ANO2: variants seen among roughly 807,000 people sequenced by gnomAD.
ANO2 encodes anoctamin 2, also known as anoctamin-2.
Under a neutral mutation model 124.2 loss-of-function variants are expected in ANO2, and 101 were observed. The observed-to-expected ratio is 0.81, with a 90% confidence interval of 0.69 to 0.96. The LOEUF (loss-of-function observed/expected upper bound fraction) is 0.96, where lower values mean the gene tolerates loss of function less well. ANO2 is among the 40% of genes least tolerant of loss of function. The probability of loss-of-function intolerance (pLI) is 0.00; values close to 1 mark genes in which losing one functional copy is unlikely to be tolerated. For missense variants in ANO2, 1,293 were observed against 1,274.5 expected, an observed-to-expected ratio of 1.01 and a Z score of -0.22; for synonymous variants, 486 against 482.5, an observed-to-expected ratio of 1.01 and a Z score of -0.09.
At position 5,635,719 on chromosome 12, in the gene ANO2, A is replaced by G. The variant is rs916694434; in HGVS notation, c.1621-372T>C. ...GGAGCTTTTGATCTTCTAAAGAGATAACATGAACTCCTTTTAAATAAACCA... is the reference window on the plus strand; with the variant it reads ...GGAGCTTTTGATCTTCTAAAGAGATGACATGAACTCCTTTTAAATAAACCA... On this transcript the variant is annotated intron_variant, in intron 15 of 24. Coordinates refer to ENST00000682330, the MANE Select transcript of ANO2 (RefSeq NM_001364791.2). This position sits in a 1 kb window ranked among gnomAD's most constrained non-coding sequence, Gnocchi z 5.2. 6.6e-6 allele frequency among the ~76,000 whole-genome samples: 1 copy of G among 152,184 alleles called. No individual in the cohort carries two copies. Among genetic ancestry groups the G allele is most frequent in the Non-Finnish European group, 1.5e-5 (1 of 68,034 alleles).
intron 7 of ANO2, among the ~76,000 whole-genome samples, chr12:5,825,780 T>C (rs1361453675): frequency 6.6e-6 from 1 of 152,190 alleles, no homozygotes; most frequent in African/African-American, 2.4e-5. Context: ...TATCATGCCC[T>C]GTGATTAAGG....
At chr12:5,730,780 A>G (rs1476558787) in intron 14 of ANO2, among the ~76,000 whole-genome samples, 2 of 152,232 alleles carry the variant, frequency 1.3e-5, no homozygotes, top group Admixed American at 6.5e-5. Flanking sequence ...GATCCTGACA[A>G]TCAAATTCTA....
chr12:5,602,266 T>C (rs1943977735), intron 19 of ANO2, among the ~76,000 whole-genome samples: 1 of 152,130 alleles, frequency 6.6e-6, no homozygotes, highest in South Asian at 2.1e-4. Context: ...CTTTTTTTTT[T>C]TGAGACAAGA....
At chr12:5,615,616 C>G (rs1944765919) in intron 16 of ANO2, among the ~76,000 whole-genome samples, 1 of 152,158 alleles carries the variant, frequency 6.6e-6, no homozygotes, top group South Asian at 2.1e-4. Context: ...GCAACCACCC[C>G]CTTTTCTGCA....
chr12:5,800,433 C>T (rs1260325352), intron 9 of ANO2, among the ~76,000 whole-genome samples: 1 of 152,184 alleles, frequency 6.6e-6, no homozygotes, highest in Non-Finnish European at 1.5e-5. Flanking sequence ...TTGCAGAAGG[C>T]TCACTCTGGC....
intron 19 of ANO2, among the ~76,000 whole-genome samples, chr12:5,606,785 T>A (rs1158304847): frequency 6.6e-6 from 1 of 152,194 alleles, no homozygotes; most frequent in Non-Finnish European, 1.5e-5. Context: ...CACACATGCA[T>A]GTTTGTGCAC....
chr12:5,779,091 G>A (rs1952311344), intron 10 of ANO2, among the ~76,000 whole-genome samples: 2 of 152,228 alleles, frequency 1.3e-5, no homozygotes, highest in Non-Finnish European at 1.5e-5. Flanking sequence ...AATGACCTCT[G>A]GAGAACCCTT....
chr12:5,936,911 A>C (rs1345602719), intron 1 of ANO2, among the ~76,000 whole-genome samples: 2 of 152,206 alleles, frequency 1.3e-5, no homozygotes, highest in Non-Finnish European at 2.9e-5. Context: ...TTTTTATAGA[A>C]TATTTACTTG....
At chr12:5,857,624 G>A (rs1431225970) in intron 3 of ANO2, among the ~76,000 whole-genome samples, 23 of 152,110 alleles carry the variant, frequency 1.5e-4, no homozygotes. Context: ...GATGATCAGT[G>A]ATGTTAAGCA....
intron 14 of ANO2, among the ~76,000 whole-genome samples, chr12:5,721,311 A>C (rs1289886841): frequency 1.3e-5 from 2 of 152,190 alleles, no homozygotes; most frequent in Non-Finnish European, 1.5e-5. Context: ...CCAAAGAGCA[A>C]GTGTGGAGGA....
At chr12:5,808,960 A>C (rs1279537041) in intron 7 of ANO2, among the ~76,000 whole-genome samples, 2 of 152,208 alleles carry the variant, frequency 1.3e-5, no homozygotes, top group Admixed American at 1.3e-4. Flanking sequence ...GCAGGCTGCC[A>C]GGTGTGCCCA....
intron 23 of ANO2, among the ~76,000 whole-genome samples, chr12:5,575,579 C>T (rs752045748): frequency 1.5e-4 from 23 of 152,072 alleles, no homozygotes; most frequent in African/African-American, 1.9e-4. Flanking sequence ...CAAACTTGTA[C>T]GGCATATTAC....
intron 14 of ANO2, among the ~76,000 whole-genome samples, chr12:5,728,757 C>T (rs1317313869): frequency 5.3e-5 from 8 of 152,120 alleles, no homozygotes; most frequent in Non-Finnish European, 8.8e-5. Flanking sequence ...ATAGGCACAG[C>T]AGTCAAGATA....
chr12:5,605,358 AAAAG>A (rs1438019573), intron 19 of ANO2, among the ~76,000 whole-genome samples: 1 of 152,220 alleles, frequency 6.6e-6, no homozygotes, highest in African/African-American at 2.4e-5. Context: ...CACATTTACA[AAAAG>A]AAAGCAGAAA....
chr12:5,667,397 A>G (rs1201394922), intron 14 of ANO2, among the ~76,000 whole-genome samples: 2 of 151,948 alleles, frequency 1.3e-5, no homozygotes, highest in African/African-American at 2.4e-5. Flanking sequence ...GTCATTCCTA[A>G]TCTGGTACAT....
intron 3 of ANO2, among the ~76,000 whole-genome samples, chr12:5,876,798 G>C (rs1938131007): frequency 6.6e-6 from 1 of 152,136 alleles, no homozygotes; most frequent in Non-Finnish European, 1.5e-5. Flanking sequence ...TAGACACAGG[G>C]AGGGGAACAT....
intron 10 of ANO2, among the ~76,000 whole-genome samples, chr12:5,796,166 T>C (rs1275678392): frequency 2.1e-5 from 3 of 143,310 alleles, no homozygotes; most frequent in African/African-American, 5.2e-5. Context: ...CAATCGCTCA[T>C]TCATACACAC....
In ANO2 at chr12:5,906,489, T is replaced by C. The variant is rs1041793698; in HGVS notation, c.534+14551A>G. Among the ~76,000 whole-genome samples, 51 of 151,908 alleles carry C rather than the reference T, an allele frequency of 3.4e-4. 1 individual carries two copies. Among genetic ancestry groups the C allele is most frequent in the Admixed American group, 3.3e-3 (50 of 15,266 alleles). On this transcript the variant is annotated intron_variant, in intron 3 of 24. Transcript: ENST00000682330. ...TGGTCAACAGCATAGCAAGACCCCA[T>C]CCCTATTTTTCAAAAATAAAATAAA... is the stretch of plus-strand genomic sequence containing the variant.
intron 20 of ANO2, among the ~76,000 whole-genome samples, chr12:5,584,240 G>T (rs990485809): frequency 6.6e-6 from 1 of 151,288 alleles, no homozygotes; most frequent in Non-Finnish European, 1.5e-5. Flanking sequence ...GAGGGCTGGC[G>T]GCTCTGCCTA....
Sources: allele counts gnomAD v4.1 joint callset (sites outside exome capture counted in the v4.1 genomes callset), GRCh38; gene constraint gnomAD v4.1.1; non-coding constraint Gnocchi (gnomAD v3.1); transcripts MANE v1.5; gene names NCBI Gene and HGNC (gene_info 2026-07-23, HGNC 2026-07-21).